The following HECW1 variants were observed in gnomAD, a reference collection of about 807,000 sequenced individuals.
The protein encoded by HECW1 is HECT, C2 and WW domain containing E3 ubiquitin protein ligase 1.
A neutral mutation model predicts 182.3 loss-of-function variants in HECW1; 61 were observed. The observed-to-expected ratio is 0.33, with a 90% CI of 0.27 to 0.41. The LOEUF is 0.41. Ranked by LOEUF, HECW1 falls within the 10% of genes least tolerant of loss-of-function variation. HECW1 has a pLI of 1.00. For synonymous variants in HECW1, 859 were observed against 832.6 expected (o/e 1.03, Z -0.55); for missense variants, 1,739 against 2,108.9 (o/e 0.82, Z 3.44).
At chr7:43,251,053 A>T (rs773180532) in intron 3 of HECW1, among the ~76,000 whole-genome samples, 12 of 151,818 alleles carry the variant, frequency 7.9e-5, no homozygotes, top group Non-Finnish European at 1.3e-4. Flanking sequence ...GGTGTCAGGG[A>T]CCCCACCCCC....
At chr7:43,332,184 A>G (rs1811582391) in intron 5 of HECW1, among the ~76,000 whole-genome samples, 1 of 152,104 alleles carries the variant, frequency 6.6e-6, no homozygotes, top group African/African-American at 2.4e-5. Flanking sequence ...GTACAGTGAA[A>G]TTGGATCTCT....
At chr7:43,361,030 C>A (rs1343225561) in intron 6 of HECW1, 50 bp downstream of exon 6, 2 of 1,318,304 alleles carry the variant, frequency 1.5e-6, no homozygotes, top group Non-Finnish European at 1.1e-6. Context: ...GGTCTTTCTT[C>A]ACTTTCCTAT....
intron 15 of HECW1, among the ~76,000 whole-genome samples, chr7:43,468,127 C>T (rs375080619): frequency 1.3e-5 from 2 of 151,954 alleles, no homozygotes; most frequent in Admixed American, 6.5e-5. Flanking sequence ...CCCTGTGTAC[C>T]GTCACATTGT....
chr7:43,256,425 C>G (rs550795613), intron 3 of HECW1, among the ~76,000 whole-genome samples: 2 of 152,150 alleles, frequency 1.3e-5, no homozygotes, highest in East Asian at 3.9e-4. Flanking sequence ...GCCTGGCCAA[C>G]ATGGTGAAAC....
At chr7:43,311,204 A>G (rs1292033684) in intron 3 of HECW1, among the ~76,000 whole-genome samples, 3 of 152,236 alleles carry the variant, frequency 2.0e-5, no homozygotes, top group African/African-American at 7.2e-5. Flanking sequence ...GAAATCCTTC[A>G]TAGAAACTTC....
At chr7:43,522,126 A>G (rs1172246648) in intron 24 of HECW1, among the ~76,000 whole-genome samples, 1 of 152,192 alleles carries the variant, frequency 6.6e-6, no homozygotes. Context: ...CAGAGCTGTG[A>G]GAAATAAATT....
At chr7:43,358,818 C>CTTT (rs572118397) in intron 5 of HECW1, among the ~76,000 whole-genome samples, 60 of 93,436 alleles carry the variant, frequency 6.4e-4, no homozygotes, top group African/African-American at 1.0e-3. Flanking sequence ...AAAATATATT[C>CTTT]TTTTTTTTTT....
chr7:43,127,379 C>T (rs911471947), intron 2 of HECW1, among the ~76,000 whole-genome samples: 6 of 151,946 alleles, frequency 3.9e-5, no homozygotes, highest in African/African-American at 9.7e-5. Flanking sequence ...CAAAATTAGC[C>T]AGGTGTGGTG....
intron 2 of HECW1, among the ~76,000 whole-genome samples, chr7:43,140,090 A>G (rs1260623403): frequency 6.6e-6 from 1 of 151,544 alleles, no homozygotes; most frequent in Admixed American, 6.6e-5. Context: ...TGTTAAATTT[A>G]TACTTATTTA....
chr7:43,378,594 C>G (rs1239543163), intron 6 of HECW1, among the ~76,000 whole-genome samples: 6 of 152,122 alleles, frequency 3.9e-5, no homozygotes, highest in African/African-American at 1.2e-4. Flanking sequence ...CACTTGAGGT[C>G]GGGAGTTTGA....
chr7:43,449,504 C>G (rs2077164897), intron 11 of HECW1, among the ~76,000 whole-genome samples: 1 of 152,172 alleles, frequency 6.6e-6, no homozygotes, highest in Non-Finnish European at 1.5e-5. Context: ...CACCTTTCTT[C>G]CTAATTAATT....
chr7:43,458,000 A>G (rs1412164915), intron 13 of HECW1, among the ~76,000 whole-genome samples: 5 of 152,182 alleles, frequency 3.3e-5, no homozygotes, highest in Non-Finnish European at 7.3e-5. Context: ...ACACTTTACA[A>G]TCATTCTCAC....
chr7:43,532,829 A>T (rs994981970), intron 24 of HECW1, among the ~76,000 whole-genome samples: 2 of 152,210 alleles, frequency 1.3e-5, no homozygotes, highest in African/African-American at 2.4e-5. Flanking sequence ...GTGGGGTAGG[A>T]AGTACACTTA....
intron 13 of HECW1, among the ~76,000 whole-genome samples, chr7:43,460,565 T>C (rs1213358081): frequency 6.6e-6 from 1 of 152,146 alleles, no homozygotes; most frequent in Non-Finnish European, 1.5e-5. Context: ...TGTGCGTGTG[T>C]GTGTGTGTGT....
intron 2 of HECW1, among the ~76,000 whole-genome samples, chr7:43,157,947 C>G (rs1401050192): frequency 6.6e-6 from 1 of 152,192 alleles, no homozygotes; most frequent in African/African-American, 2.4e-5. Context: ...GGTCTGAGTC[C>G]TTGCTCCCCT....
At chr7:43,430,923 A>G (rs996666844) in intron 8 of HECW1, among the ~76,000 whole-genome samples, 5 of 151,874 alleles carry the variant, frequency 3.3e-5, no homozygotes, top group African/African-American at 4.8e-5. Context: ...CTGGGATTAC[A>G]GGCGCATGCC....
At chr7:43,144,515 T>C (rs1788492036) in intron 2 of HECW1, among the ~76,000 whole-genome samples, 1 of 152,208 alleles carries the variant, frequency 6.6e-6, no homozygotes, top group African/African-American at 2.4e-5. Flanking sequence ...CATTGATTAG[T>C]TTACTCACTT....
chr7:43,219,559 G>A (rs1433516928), intron 2 of HECW1, among the ~76,000 whole-genome samples: 1 of 152,046 alleles, frequency 6.6e-6, no homozygotes, highest in East Asian at 1.9e-4. Flanking sequence ...CAACTCTAAG[G>A]GGGTGTGTGT....
At position 43,466,427 on chromosome 7, in the gene HECW1, T is replaced by C; in HGVS notation, c.2792-20T>C. On this transcript the variant is annotated intron_variant, in intron 14 of 29. Coordinates refer to ENST00000395891, the MANE Select transcript of HECW1 (RefSeq NM_015052.5). ...CCTTTTTCCCAATGCATTCTGTTGC[T>C]TTGCTTCACTTTTTTTCAGATCTAA... 2 of 1,612,434 alleles carry C rather than the reference T, an allele frequency of 1.2e-6. No homozygotes were observed. Among genetic ancestry groups the C allele is most frequent in the Non-Finnish European group, 1.7e-6 (2 of 1,178,984 alleles).
Sources: allele counts gnomAD v4.1 joint callset (sites outside exome capture counted in the v4.1 genomes callset), GRCh38; gene constraint gnomAD v4.1.1; transcripts MANE v1.5; gene names NCBI Gene and HGNC (gene_info 2026-07-23, HGNC 2026-07-21).